Variants in TBC1D14 observed in about 807,000 individuals in gnomAD.
The protein encoded by TBC1D14 is TBC1 domain family member 14, also known as TBC1 domain family, member 14.
A neutral mutation model predicts 79.0 loss-of-function variants in TBC1D14; 26 were observed. The observed-to-expected ratio is 0.33, with a 90% CI of 0.24 to 0.46. The LOEUF (loss-of-function observed/expected upper bound fraction) is 0.46, where lower values mean the gene tolerates loss of function less well. TBC1D14 is among the 20% of genes least tolerant of loss of function. The pLI is 1.00. For missense variants in TBC1D14, 769 were observed against 887.6 expected, an observed-to-expected ratio of 0.87 and a Z score of 1.70; for synonymous variants, 394 against 349.9, an observed-to-expected ratio of 1.13 and a Z score of -1.40.
At chr4:6,910,042 C>G (rs986127320) in intron 1 of TBC1D14, 91 bp downstream of exon 1, 1 of 147,700 alleles carries the variant, frequency 6.8e-6, no homozygotes, top group African/African-American at 2.4e-5. Context: ...CCGGCCGAGG[C>G]GGGGAGCGGC....
In TBC1D14 at chr4:6,967,415, A is replaced by G. The variant is rs1388242116; in HGVS notation, c.834A>G (p.Arg278=). Residue 278 remains arginine, a synonymous_variant, in exon 3 of 14, where the codon AGA becomes AGG. Coordinates refer to ENST00000409757, the MANE Select transcript of TBC1D14 (RefSeq NM_020773.3). ...LRENAQKDSK[R]IQKEYEDKAG... Reference sequence around the variant, plus strand: ...AGAATGCCCAGAAGGATTCAAAGAGAATACAGAAGGTACACAAGATACAAA... The same window carrying G: ...AGAATGCCCAGAAGGATTCAAAGAGGATACAGAAGGTACACAAGATACAAA... 3 of 1,613,462 alleles carry G rather than the reference A, an allele frequency of 1.9e-6. No homozygotes were observed. The African/African-American group carries it at 4.0e-5, about 22-fold the overall frequency.
intron 3 of TBC1D14, among the ~76,000 whole-genome samples, chr4:6,983,463 A>G (rs1377644369): frequency 6.6e-6 from 1 of 152,174 alleles, no homozygotes; most frequent in Non-Finnish European, 1.5e-5. Flanking sequence ...AGCAGAGGGA[A>G]ACATTATACA....
At chr4:6,974,981 A>G (rs529905762) in intron 3 of TBC1D14, among the ~76,000 whole-genome samples, 15 of 151,610 alleles carry the variant, frequency 9.9e-5, no homozygotes, top group African/African-American at 3.4e-4. Context: ...GTGTGATCTC[A>G]GCTCACTGCA....
chr4:6,978,146 G>A (rs1176760657), intron 3 of TBC1D14, among the ~76,000 whole-genome samples: 42 of 144,850 alleles, frequency 2.9e-4, no homozygotes, highest in African/African-American at 7.3e-4. Flanking sequence ...CCGGCTAGCC[G>A]CCCCGTCCGG....
chr4:6,922,866 T>TA (rs1723975971), intron 1 of TBC1D14, among the ~76,000 whole-genome samples: 1 of 152,144 alleles, frequency 6.6e-6, no homozygotes, highest in African/African-American at 2.4e-5. Flanking sequence ...TTGTTTGGGT[T>TA]ATCTTCCTGC....
chr4:6,943,257 G>C (rs1229162700), intron 2 of TBC1D14, among the ~76,000 whole-genome samples: 2 of 152,206 alleles, frequency 1.3e-5, no homozygotes, highest in African/African-American at 4.8e-5. Context: ...CAGGAAAGAG[G>C]ACTGCGCCCA....
intron 13 of TBC1D14, among the ~76,000 whole-genome samples, chr4:7,027,871 GCA>G (rs1480816903): frequency 9.4e-6 from 1 of 106,286 alleles, no homozygotes; most frequent in East Asian, 3.0e-4. Flanking sequence ...TCACCCCCAT[GCA>G]CACACATTGC....
intron 2 of TBC1D14, among the ~76,000 whole-genome samples, chr4:6,959,444 C>T (rs1405350513): frequency 2.0e-5 from 3 of 152,198 alleles, no homozygotes; most frequent in African/African-American, 7.2e-5. Context: ...CCCTTGGTCT[C>T]TGCTGGGCCT....
At chr4:7,013,470 C>A (rs1019779170) in intron 11 of TBC1D14, among the ~76,000 whole-genome samples, 17 of 152,220 alleles carry the variant, frequency 1.1e-4, no homozygotes, top group Non-Finnish European at 2.2e-4. Flanking sequence ...GGTGCTGCCC[C>A]CAGTCCAGCT....
At chr4:6,929,259 C>A (rs761011713) in intron 2 of TBC1D14, among the ~76,000 whole-genome samples, 11 of 152,076 alleles carry the variant, frequency 7.2e-5, no homozygotes, top group Admixed American at 7.2e-4. Flanking sequence ...GGGGTACGTA[C>A]TTTACATTAG....
At chr4:7,004,022 A>G (rs1418547031) in intron 7 of TBC1D14, among the ~76,000 whole-genome samples, 1 of 152,098 alleles carries the variant, frequency 6.6e-6, no homozygotes, top group African/African-American at 2.4e-5. Context: ...AAAAAAAGAA[A>G]AAGCCAGATG....
At chr4:6,986,608 A>G (rs1469114473) in intron 3 of TBC1D14, among the ~76,000 whole-genome samples, 1 of 152,140 alleles carries the variant, frequency 6.6e-6, no homozygotes, top group Admixed American at 6.5e-5. Flanking sequence ...GTTGTCGCAG[A>G]CCGGACTTGC....
At chr4:6,988,881 C>CTT (rs1718165761) in intron 3 of TBC1D14, among the ~76,000 whole-genome samples, 2 of 93,572 alleles carry the variant, frequency 2.1e-5, no homozygotes, top group African/African-American at 4.1e-5. Context: ...TTCTTTCTTT[C>CTT]TTTCTTTTTT....
At chr4:7,008,106 A>G (rs1033642238) in intron 9 of TBC1D14, among the ~76,000 whole-genome samples, 3 of 152,252 alleles carry the variant, frequency 2.0e-5, no homozygotes, top group African/African-American at 7.2e-5. Context: ...CTTGGCAGAT[A>G]ACAGTGCTTT....
chr4:7,023,394 G>A (rs755459844), intron 12 of TBC1D14, among the ~76,000 whole-genome samples: 4 of 152,186 alleles, frequency 2.6e-5, no homozygotes, highest in Admixed American at 6.5e-5. Context: ...TGTGCAGGCC[G>A]AGTGGACTCT....
intron 12 of TBC1D14, among the ~76,000 whole-genome samples, chr4:7,020,087 T>C (rs145126096): frequency 0.012 from 1,751 of 143,640 alleles, 15 homozygotes; most frequent in Middle Eastern, 0.042. Context: ...GGGCTCAGGT[T>C]AGGGAGGACT....
At chr4:6,965,814 G>T (rs566387071) in intron 2 of TBC1D14, among the ~76,000 whole-genome samples, 1 of 152,268 alleles carries the variant, frequency 6.6e-6, no homozygotes, top group South Asian at 2.1e-4. Flanking sequence ...ACCACTCCTC[G>T]CTGGTGATGT....
chr4:6,990,997 T>C (rs1718433015), intron 3 of TBC1D14, among the ~76,000 whole-genome samples: 1 of 152,254 alleles, frequency 6.6e-6, no homozygotes, highest in African/African-American at 2.4e-5. Context: ...AGCTTACTGT[T>C]GTCACCTCCA....
intron 1 of TBC1D14, among the ~76,000 whole-genome samples, chr4:6,920,613 C>T (rs1197145659): frequency 1.3e-5 from 2 of 152,188 alleles, no homozygotes; most frequent in Admixed American, 6.5e-5. Flanking sequence ...TTGATGATAG[C>T]AGCTACCAAC....
Sources: allele counts gnomAD v4.1 joint callset (sites outside exome capture counted in the v4.1 genomes callset), GRCh38; gene constraint gnomAD v4.1.1; transcripts MANE v1.5; gene names NCBI Gene and HGNC (gene_info 2026-07-23, HGNC 2026-07-21).